Variants in CASK observed in about 807,000 individuals in gnomAD.
The protein encoded by CASK is calcium/calmodulin dependent serine protein kinase.
A neutral mutation model predicts 82.9 loss-of-function variants in CASK; 4 were observed. The observed-to-expected ratio is 0.05, with a 90% CI of 0.02 to 0.11. CASK has a LOEUF of 0.11. CASK is among the 10% of genes least tolerant of loss of function. CASK has a pLI of 1.00. For synonymous variants in CASK, 259 were observed against 253.5 expected (o/e 1.02, Z -0.20); for missense variants, 358 against 720.9 (o/e 0.50, Z 5.76).
intron 3 of CASK, among the ~76,000 whole-genome samples, chrX:41,750,824 A>C (rs2068775282): frequency 8.9e-6 from 1 of 112,216 alleles, no homozygotes; most frequent in African/African-American, 3.2e-5. Flanking sequence ...CTTTGGCAAC[A>C]GGATTATCTG....
In CASK at chrX:41,714,136, G is replaced by T. The variant is rs188382424; in HGVS notation, c.429+25248C>A. Among the ~76,000 whole-genome samples the T allele has an allele frequency of 9.8e-5, 11 of 111,689 alleles. No homozygotes were observed. In the East Asian group the frequency reaches 2.8e-3, roughly 29 times the overall value. On this transcript the variant is annotated intron_variant, in intron 5 of 26. Coordinates refer to ENST00000378163, the MANE Select transcript of CASK (RefSeq NM_001367721.1). ...TAAAATGGTCTGGGAGTGAAGAAGA[G>T]AAATTCTGGGACTGGGACAGAAAGT... is the stretch of plus-strand genomic sequence containing the variant.
intron 5 of CASK, among the ~76,000 whole-genome samples, chrX:41,715,257 A>G: frequency 8.9e-6 from 1 of 112,381 alleles, no homozygotes; most frequent in East Asian, 2.8e-4. Flanking sequence ...AGGGATGCCC[A>G]TATGGAGAAT....
In CASK at chrX:41,796,672, C is replaced by G. The variant is rs750310312; in HGVS notation, c.173-9389G>C. Among the ~76,000 whole-genome samples, 5 of 112,253 alleles carry G rather than the reference C, an allele frequency of 4.5e-5. 1 individual carries two copies. The East Asian group carries it at 1.4e-3, about 31-fold the overall frequency. ...CATGTAGCTGTATGTGTGTGGCCTA[C>G]TGATTACCAAAATTATTAATCTTCC... On this transcript the variant is annotated intron_variant, in intron 2 of 26. Transcript: ENST00000378163.
At position 41,775,140 on chromosome X, in the gene CASK, C is replaced by A. The variant is rs2069329762; in HGVS notation, c.278+12038G>T. Among the ~76,000 whole-genome samples, 4 of 107,062 alleles carry A rather than the reference C, an allele frequency of 3.7e-5. No individual in the cohort carries two copies. The South Asian group carries it at 1.7e-3, about 47-fold the overall frequency. 93.0% of individuals were successfully genotyped at this position (107,062 alleles called of 115,157 possible). On this transcript the variant is annotated intron_variant, in intron 3 of 26. Transcript: ENST00000378163. ...AAATTTTCGCAACCTACTCATCTGA[C>A]AAAGGGCTAATATCCAGAATCTACA...
intron 22 of CASK, among the ~76,000 whole-genome samples, chrX:41,540,084 G>A (rs1182376332): frequency 1.8e-5 from 2 of 111,478 alleles, no homozygotes; most frequent in African/African-American, 6.5e-5. Flanking sequence ...TTCAAAGGAG[G>A]GCCTTATACA....
intron 2 of CASK, among the ~76,000 whole-genome samples, chrX:41,832,507 C>T (rs767360480): frequency 1.8e-5 from 2 of 112,578 alleles, no homozygotes; most frequent in South Asian, 7.3e-4. Context: ...AATTCTATTC[C>T]TGGGTATACA....
chrX:41,696,144 A>G, intron 5 of CASK: 1 of 1,207,896 alleles, frequency 8.3e-7, no homozygotes, highest in Non-Finnish European at 1.1e-6. Flanking sequence ...AACCAAACAA[A>G]GTATTTATGT....
chrX:41,558,773 T>A (rs1182499923), intron 18 of CASK: 2 of 111,835 alleles, frequency 1.8e-5, no homozygotes, highest in Admixed American at 1.9e-4. Flanking sequence ...GACAAAACTA[T>A]ACATTTTAAT....
intron 2 of CASK, among the ~76,000 whole-genome samples, chrX:41,796,515 C>A (rs1429473159): frequency 1.8e-5 from 2 of 111,961 alleles, no homozygotes; most frequent in African/African-American, 3.2e-5. Flanking sequence ...AGTTTTTCAT[C>A]TACAGTTTTT....
In CASK at chrX:41,675,364, C is replaced by T. The variant is rs139380903; in HGVS notation, c.430-3834G>A. Among the ~76,000 whole-genome samples the T allele has an allele frequency of 7.1e-3, 795 of 112,213 alleles. 13 individuals carry two copies. Among genetic ancestry groups the T allele is most frequent in the African/African-American group, 0.025 (758 of 30,905 alleles). ...CCTTAAAGTACCCACAATTACTACA[C>T]CTGTGACTGGAACCAATGATCCCTT... is the stretch of plus-strand genomic sequence containing the variant. On this transcript the variant is annotated intron_variant, in intron 5 of 26. Coordinates refer to ENST00000378163, the MANE Select transcript of CASK (RefSeq NM_001367721.1).
chrX:41,545,219 G>C (rs1294861956), intron 21 of CASK, among the ~76,000 whole-genome samples: 2 of 111,319 alleles, frequency 1.8e-5, no homozygotes, highest in Admixed American at 1.9e-4. Context: ...GTAGAAATGG[G>C]GTTTCACCAT....
chrX:41,766,131 C>T (rs1190547013), intron 3 of CASK, among the ~76,000 whole-genome samples: 1 of 111,957 alleles, frequency 8.9e-6, no homozygotes, highest in Non-Finnish European at 1.9e-5. Context: ...TTAAATCTAT[C>T]TATATCAAGC....
At chrX:41,553,374 A>C (rs890825929) in intron 21 of CASK, among the ~76,000 whole-genome samples, 2 of 111,530 alleles carry the variant, frequency 1.8e-5, no homozygotes, top group African/African-American at 6.5e-5. Flanking sequence ...TAGAAGGGCA[A>C]GGAGAACGTA....
At chrX:41,590,890 T>A (rs983268730) in intron 12 of CASK, among the ~76,000 whole-genome samples, 1 of 111,862 alleles carries the variant, frequency 8.9e-6, no homozygotes, top group Non-Finnish European at 1.9e-5. Flanking sequence ...TAATGCAAGA[T>A]AAATTTTTAT....
At chrX:41,614,806 A>G (rs1322715887) in intron 11 of CASK, among the ~76,000 whole-genome samples, 1 of 111,118 alleles carries the variant, frequency 9.0e-6, no homozygotes, top group Non-Finnish European at 1.9e-5. Flanking sequence ...GGCGTGAGCC[A>G]CTGCGCCTGG....
chrX:41,631,095 G>C (rs1481738816), intron 9 of CASK, among the ~76,000 whole-genome samples: 1 of 111,399 alleles, frequency 9.0e-6, no homozygotes, highest in African/African-American at 3.3e-5. Flanking sequence ...ATGACTAAAA[G>C]AGGCTGCAGT....
In CASK at chrX:41,874,185, T is replaced by A. The variant is rs182611164; in HGVS notation, c.60-20958A>T. On this transcript the variant is annotated intron_variant, in intron 1 of 26. Coordinates refer to ENST00000378163, the MANE Select transcript of CASK (RefSeq NM_001367721.1). ...CCATATAACAGACTAGATTTTTTTT[T>A]AAAAATTTTAAGTTCTGGGGTACAT... Among the ~76,000 whole-genome samples, 1,036 of 107,582 alleles carry A rather than the reference T, an allele frequency of 9.6e-3. 7 individuals carry two copies. The highest frequency in any genetic ancestry group is 0.019 in the South Asian group (49 of 2,564). 93.4% of individuals were successfully genotyped at this position (107,582 alleles called of 115,157 possible). A position where few individuals can be genotyped will look rare whatever the true frequency, so the allele number is the denominator to read the frequency against.
chrX:41,634,553 C>G (rs1279966765), intron 9 of CASK, among the ~76,000 whole-genome samples: 1 of 112,221 alleles, frequency 8.9e-6, no homozygotes, highest in Non-Finnish European at 1.9e-5. Flanking sequence ...ATTCTGTGGC[C>G]CCGGGAGAAG....
intron 3 of CASK, among the ~76,000 whole-genome samples, chrX:41,775,261 G>A (rs1216362522): frequency 8.1e-5 from 9 of 111,644 alleles, no homozygotes; most frequent in African/African-American, 2.6e-4. Flanking sequence ...AGACATTTAT[G>A]CAGCCAAAAG....
Sources: allele counts gnomAD v4.1 joint callset (sites outside exome capture counted in the v4.1 genomes callset), GRCh38; gene constraint gnomAD v4.1.1; transcripts MANE v1.5; gene names NCBI Gene and HGNC (gene_info 2026-07-23, HGNC 2026-07-21).